The following GALNT13 variants were observed in gnomAD, a reference collection of about 807,000 sequenced individuals.
The protein encoded by GALNT13 is polypeptide N-acetylgalactosaminyltransferase 13.
GALNT13 carries 28 observed loss-of-function variants against 64.2 expected under a neutral mutation model. That is an observed-to-expected ratio of 0.44 (90% CI 0.32 to 0.60). GALNT13 has a LOEUF of 0.60. Among genes scored for constraint, GALNT13 ranks in the 20% least tolerant of loss-of-function variants. The pLI is 0.05. For missense variants in GALNT13, 577 were observed against 669.8 expected, an observed-to-expected ratio of 0.86 and a Z score of 1.53; for synonymous variants, 214 against 224.6, an observed-to-expected ratio of 0.95 and a Z score of 0.42.
intron 3 of GALNT13, among the ~76,000 whole-genome samples, chr2:154,138,793 C>T (rs1036803082): frequency 6.6e-6 from 1 of 151,858 alleles, no homozygotes; most frequent in African/African-American, 2.4e-5. Context: ...AAAGCCAAAT[C>T]CAATAACGTC....
At chr2:153,589,482 ATT>A in the GALNT13 span, among the ~76,000 whole-genome samples, 3 of 152,068 alleles carry the variant, frequency 2.0e-5, no homozygotes, top group South Asian at 6.2e-4. Flanking sequence ...TTGCTTCCAC[ATT>A]TTTGGGTATC....
At chr2:153,689,088 G>T in the GALNT13 span, among the ~76,000 whole-genome samples, 1 of 150,090 alleles carries the variant, frequency 6.7e-6, no homozygotes, top group South Asian at 2.1e-4. Flanking sequence ...GTGTGTGTGT[G>T]TGTGTGTGTG....
the GALNT13 span, among the ~76,000 whole-genome samples, chr2:153,756,848 T>C: frequency 6.6e-6 from 1 of 152,032 alleles, no homozygotes; most frequent in Non-Finnish European, 1.5e-5. Context: ...TCTCTAGGCT[T>C]TTTTTTCTAT....
At chr2:153,349,522 C>A in the GALNT13 span, among the ~76,000 whole-genome samples, 2 of 152,158 alleles carry the variant, frequency 1.3e-5, no homozygotes, top group South Asian at 4.1e-4. Context: ...ATCCTGCCTA[C>A]AGGAAGAGGA....
chr2:153,565,058 G>A, the GALNT13 span, among the ~76,000 whole-genome samples: 1 of 152,094 alleles, frequency 6.6e-6, no homozygotes, highest in African/African-American at 2.4e-5. Context: ...ACTTCAGTGG[G>A]TCTCCAGATG....
chr2:153,340,599 G>A, the GALNT13 span, among the ~76,000 whole-genome samples: 1 of 151,672 alleles, frequency 6.6e-6, no homozygotes, highest in East Asian at 1.9e-4. Flanking sequence ...AGATTGCAGT[G>A]AGCCGAGATT....
chr2:154,249,403 T>A (rs1573952925), intron 7 of GALNT13, among the ~76,000 whole-genome samples: 1 of 152,142 alleles, frequency 6.6e-6, no homozygotes, highest in East Asian at 1.9e-4. Context: ...ACAGGAATAA[T>A]TATGTCTACT....
At chr2:154,104,650 T>C in intron 3 of GALNT13, among the ~76,000 whole-genome samples, 1 of 152,222 alleles carries the variant, frequency 6.6e-6, no homozygotes, top group African/African-American at 2.4e-5. Flanking sequence ...TTTGGCAGCT[T>C]GCCCTCTCAT....
the GALNT13 span, among the ~76,000 whole-genome samples, chr2:153,077,177 C>T: frequency 4.7e-4 from 71 of 152,198 alleles, no homozygotes; most frequent in Middle Eastern, 0.014. Flanking sequence ...GTCTCTAACT[C>T]CTGACCTCAG....
chr2:153,384,464 G>T, the GALNT13 span, among the ~76,000 whole-genome samples: 1 of 151,958 alleles, frequency 6.6e-6, no homozygotes, highest in Admixed American at 6.6e-5. Flanking sequence ...GCTTTAATGG[G>T]ACAGCAGGAG....
In GALNT13 at chr2:154,007,058, A is replaced by G. The variant is rs1485716453; in HGVS notation, c.142+62419A>G. Among the ~76,000 whole-genome samples, 2 of 152,304 alleles carry G rather than the reference A, an allele frequency of 1.3e-5. 1 individual carries two copies. Among genetic ancestry groups the G allele is most frequent in the African/African-American group, 4.8e-5 (2 of 41,564 alleles). On this transcript the variant is annotated intron_variant, in intron 3 of 12. Coordinates refer to ENST00000392825, the MANE Select transcript of GALNT13 (RefSeq NM_052917.4). ...GGATTTTGAGTTAATTAGAAAGGAG[A>G]TTATCTTAGGTGCACCTGATTTAAT...
At chr2:153,965,180 T>A (rs1403849219) in intron 3 of GALNT13, among the ~76,000 whole-genome samples, 1 of 152,142 alleles carries the variant, frequency 6.6e-6, no homozygotes, top group Non-Finnish European at 1.5e-5. Flanking sequence ...CCTCAAGCAT[T>A]TACGATTTTT....
chr2:153,332,657 C>T, the GALNT13 span, among the ~76,000 whole-genome samples: 8 of 151,904 alleles, frequency 5.3e-5, no homozygotes, highest in East Asian at 1.5e-3. Context: ...TGTGGTGGCT[C>T]AGGCTGCTGA....
chr2:153,888,981 T>C (rs182646132), intron 1 of GALNT13, among the ~76,000 whole-genome samples: 1 of 152,118 alleles, frequency 6.6e-6, no homozygotes, highest in East Asian at 1.9e-4. Context: ...TTTAGCAATA[T>C]GATTAATTTT....
chr2:154,444,025 G>T (rs1199284345), intron 12 of GALNT13, among the ~76,000 whole-genome samples: 1 of 152,030 alleles, frequency 6.6e-6, no homozygotes, highest in Non-Finnish European at 1.5e-5. Context: ...TGTCAGCCTG[G>T]ATGTCACATT....
chr2:153,864,657 A>G, the GALNT13 span, among the ~76,000 whole-genome samples: 2 of 152,126 alleles, frequency 1.3e-5, no homozygotes, highest in African/African-American at 2.4e-5. Context: ...AAGAAATAAA[A>G]GAGGATACAA....
intron 4 of GALNT13, among the ~76,000 whole-genome samples, chr2:154,157,436 C>T (rs1684487329): frequency 6.6e-6 from 1 of 152,066 alleles, no homozygotes; most frequent in African/African-American, 2.4e-5. Context: ...TGGATTTAAA[C>T]TCCTGGGCTC....
chr2:154,146,184 A>T (rs2105600335), intron 4 of GALNT13, among the ~76,000 whole-genome samples: 1 of 151,840 alleles, frequency 6.6e-6, no homozygotes, highest in South Asian at 2.1e-4. Context: ...ATACACACAC[A>T]TATATACATA....
the GALNT13 span, among the ~76,000 whole-genome samples, chr2:153,501,064 T>TA: frequency 8.1e-4 from 103 of 127,912 alleles, no homozygotes; most frequent in South Asian, 9.0e-3. Context: ...AAGTTACCAG[T>TA]AAAAAAAAAA....
Sources: allele counts gnomAD v4.1 joint callset (sites outside exome capture counted in the v4.1 genomes callset), GRCh38; gene constraint gnomAD v4.1.1; transcripts MANE v1.5; gene names NCBI Gene and HGNC (gene_info 2026-07-23, HGNC 2026-07-21).